DNAH10: variants seen among roughly 807,000 people sequenced by gnomAD.
The protein encoded by DNAH10 is dynein axonemal heavy chain 10, also known as axonemal beta dynein heavy chain 10.
In DNAH10, 348 loss-of-function variants were observed where a neutral mutation model predicts 506.6. That is an observed-to-expected ratio of 0.69 (90% CI 0.63 to 0.75). DNAH10 has a LOEUF of 0.75. Among genes scored for constraint, DNAH10 ranks in the 30% least tolerant of loss-of-function variants. DNAH10 has a pLI of 0.00. For synonymous variants in DNAH10, 2,059 were observed against 2,198.6 expected (o/e 0.94, Z 1.78); for missense variants, 5,179 against 5,787.1 (o/e 0.89, Z 3.41).
Position 123,865,971 on chromosome 12 carries a change from C to T in DNAH10, c.7065C>T (p.Ala2355=), listed in dbSNP as rs746341138. The T allele has an allele frequency of 1.2e-6, 2 of 1,606,506 alleles. No individual in the cohort carries two copies. Among genetic ancestry groups the T allele is most frequent in the Admixed American group, 3.5e-5 (2 of 57,968 alleles). The change falls in exon 41 of 79, where the codon GCC becomes GCT. Residue 2355 remains alanine (A), a synonymous_variant. Transcript: ENST00000673944. The stretch of plus-strand genomic sequence containing the variant: ...TCCAGGTTGGAGATTTACAGTATGC[C>T]TCCCCTGCAACTGTCTCTCGATGTG... The part of the protein sequence containing the change: ...LLFEVGDLQY[A]SPATVSRCGM...
chr12:123,831,615 G>A (rs181296535), intron 26 of DNAH10, among the ~76,000 whole-genome samples: 215 of 152,270 alleles, frequency 1.4e-3, no homozygotes, highest in African/African-American at 4.3e-3. Context: ...AGCCAAGGCC[G>A]GGCATGGTGG....
At chr12:123,931,877 G>A (rs1269654103) in intron 75 of DNAH10, 30 bp downstream of exon 75, 1 of 1,612,848 alleles carries the variant, frequency 6.2e-7, no homozygotes, top group Non-Finnish European at 8.5e-7. Flanking sequence ...GCAGATTACT[G>A]CCTAGATACG....
intron 21 of DNAH10, 80 bp downstream of exon 21, chr12:123,813,992 A>G (rs1959048104): frequency 6.0e-6 from 8 of 1,326,288 alleles, no homozygotes; most frequent in Admixed American, 6.2e-5. Context: ...CTTCTCAAGT[A>G]TACTGCCATT....
At chr12:123,835,555 A>G (rs1194463421) in intron 28 of DNAH10, 27 bp downstream of exon 28, 2 of 1,598,916 alleles carry the variant, frequency 1.3e-6, no homozygotes, top group Non-Finnish European at 1.7e-6. Context: ...TATTTTAGTA[A>G]TGAAAGAAGG....
At chr12:123,791,587 A>G (rs967948648) in intron 11 of DNAH10, among the ~76,000 whole-genome samples, 1 of 150,956 alleles carries the variant, frequency 6.6e-6, no homozygotes, top group Admixed American at 6.6e-5. Context: ...ATTATTTTTT[A>G]TTTTTTAGGG....
rs906204293 is a variant in DNAH10, at chr12:123,879,284, T to C, written c.8393T>C (p.Met2798Thr). 1.9e-6 allele frequency: 3 copies of C among 1,578,438 alleles called. No individual in the cohort carries two copies. In the African/African-American group the frequency reaches 4.0e-5, roughly 21 times the overall value. ...NPERFQTVAQ[M>T]VRVWRNECLR... is the part of the protein sequence containing the mutation. ...TGCAGATTCCAGACGGTGGCCCAGATGGTGAGAGTCTGGAGGAATGAGTGT... is the reference window on the plus strand; with the variant it reads ...TGCAGATTCCAGACGGTGGCCCAGACGGTGAGAGTCTGGAGGAATGAGTGT... The change falls in exon 49 of 79, where the codon ATG becomes ACG. Residue 2798 changes from methionine (M) to threonine (T), a missense_variant. This residue lies in a region of DNAH10 where 4,844 missense variants were observed against 5,430.5 expected (regional missense o/e 0.89). Coordinates refer to ENST00000673944, the MANE Select transcript of DNAH10 (RefSeq NM_001372106.1).
At chr12:123,932,587 C>G (rs1566127123) in intron 76 of DNAH10, 1 of 154,850 alleles carries the variant, frequency 6.5e-6, no homozygotes, top group African/African-American at 2.4e-5. Flanking sequence ...AGAGTTGGAT[C>G]AAAGAGCTTG....
chr12:123,935,264 C>T lies in DNAH10; in HGVS notation c.13624-71C>T, dbSNP rs552017077. ...AGGGGCCCCTGCCTGTCAAGACTTA[C>T]ACTGCACCTCTGCCTTTATCCCTCT... On this transcript the variant is annotated intron_variant, in intron 78 of 78. Transcript: ENST00000673944. The T allele has an allele frequency of 5.4e-5, 85 of 1,561,008 alleles. No individual in the cohort carries two copies. In the East Asian group the frequency reaches 1.8e-3, roughly 32 times the overall value.
chr12:123,807,183 C>G (rs1958712498), intron 18 of DNAH10, among the ~76,000 whole-genome samples: 1 of 145,650 alleles, frequency 6.9e-6, no homozygotes, highest in Non-Finnish European at 1.5e-5. Flanking sequence ...ACACATTCAT[C>G]CCCACATCCA....
At chr12:123,841,820 G>A (rs1463928867) in intron 30 of DNAH10, among the ~76,000 whole-genome samples, 1 of 152,064 alleles carries the variant, frequency 6.6e-6, no homozygotes, top group Non-Finnish European at 1.5e-5. Context: ...AGTGTAGCTG[G>A]GACTACAGTT....
chr12:123,896,223 T>G (rs532821061), intron 54 of DNAH10, among the ~76,000 whole-genome samples: 1 of 150,620 alleles, frequency 6.6e-6, no homozygotes, highest in African/African-American at 2.4e-5. Flanking sequence ...GAGATGACTA[T>G]GCCCAAAGGC....
chr12:123,770,096 C>T (rs1471840141), intron 2 of DNAH10, among the ~76,000 whole-genome samples: 4 of 151,460 alleles, frequency 2.6e-5, no homozygotes, highest in African/African-American at 9.7e-5. Flanking sequence ...AAAAATTAGC[C>T]AGGTAGCCAG....
intron 25 of DNAH10, among the ~76,000 whole-genome samples, chr12:123,827,353 T>G (rs902910013): frequency 3.9e-5 from 6 of 152,222 alleles, no homozygotes; most frequent in African/African-American, 1.4e-4. Flanking sequence ...CATGAAACAT[T>G]TATTCATGAG....
intron 9 of DNAH10, among the ~76,000 whole-genome samples, chr12:123,786,325 A>C (rs375941070): frequency 6.6e-6 from 1 of 151,318 alleles, no homozygotes; most frequent in Non-Finnish European, 1.5e-5. Flanking sequence ...TCAAAAAAAA[A>C]AAAAGTACAA....
chr12:123,891,735 C>T (rs1952991621), intron 52 of DNAH10, among the ~76,000 whole-genome samples: 1 of 152,152 alleles, frequency 6.6e-6, no homozygotes, highest in Non-Finnish European at 1.5e-5. Context: ...ATCCCCAAGA[C>T]CATCCCCGGC....
chr12:123,841,600 A>G (rs145377211), intron 30 of DNAH10, 55 bp downstream of exon 30: 4 of 1,538,786 alleles, frequency 2.6e-6, no homozygotes, highest in African/African-American at 2.7e-5. Context: ...GTCATAATGG[A>G]TTAATTTTAA....
Position 123,762,356 on chromosome 12 carries a change from T to TCG in DNAH10, c.20_21insCG (p.Trp8GlyfsTer99). 1 of 1,356,162 alleles carries TCG rather than the reference T, an allele frequency of 7.4e-7. No individual in the cohort carries two copies. The highest frequency in any genetic ancestry group is 9.5e-7 in the Non-Finnish European group (1 of 1,051,814). The allele number at this position is 1,356,162 out of a possible 1,614,324, so 84.0% of individuals were successfully genotyped here. On this transcript the variant is annotated frameshift_variant, in exon 1 of 79. Transcript: ENST00000673944. LOFTEE classifies it high-confidence loss of function. This position sits in a 1 kb window ranked among gnomAD's most constrained non-coding sequence, Gnocchi z 5.0. Reference sequence around the variant, plus strand: ...GGCGCCATGGACGACCTGCGGGTGCTGTGGATGCGCGACCGCGTGTATGCG... The same window carrying TCG: ...GGCGCCATGGACGACCTGCGGGTGCTCGGTGGATGCGCGACCGCGTGTATGCG...
intron 78 of DNAH10, 93 bp from the exon 79 acceptor site, chr12:123,935,242 G>C (rs972048890): frequency 2.0e-6 from 3 of 1,489,294 alleles, no homozygotes; most frequent in Non-Finnish European, 9.2e-7. Context: ...CTTGCACAGG[G>C]GCCCCTGCCT....
intron 29 of DNAH10, among the ~76,000 whole-genome samples, chr12:123,839,771 T>G (rs1328075329): frequency 1.3e-5 from 2 of 151,120 alleles, no homozygotes; most frequent in East Asian, 3.9e-4. Flanking sequence ...CACGCCATTC[T>G]CCTGCCTCAG....
Sources: gnomAD v4.1 joint callset for allele counts (sites outside exome capture counted in the v4.1 genomes callset) on GRCh38, gnomAD v4.1.1 for gene constraint, gnomAD v4.1.1 regional missense constraint, Gnocchi (gnomAD v3.1) non-coding constraint, MANE v1.5 for transcripts, NCBI Gene and HGNC (gene_info 2026-07-23, HGNC 2026-07-21) for gene names.